PTPN5: variants seen among roughly 807,000 people sequenced by gnomAD.
PTPN5 encodes the protein protein tyrosine phosphatase non-receptor type 5.
In PTPN5, 29 loss-of-function variants were observed where a neutral mutation model predicts 73.9. That is an observed-to-expected ratio of 0.39 (90% CI 0.29 to 0.54). PTPN5 has a LOEUF of 0.54. Ranked by LOEUF, PTPN5 falls within the 20% of genes least tolerant of loss-of-function variation. The pLI is 0.65. For synonymous variants in PTPN5, 267 were observed against 304.7 expected, an observed-to-expected ratio of 0.88 and a Z score of 1.29; for missense variants, 652 against 751.4, an observed-to-expected ratio of 0.87 and a Z score of 1.55.
At chr11:18,762,875 G>A (rs562009662) in intron 3 of PTPN5, among the ~76,000 whole-genome samples, 1 of 152,322 alleles carries the variant, frequency 6.6e-6, no homozygotes, top group South Asian at 2.1e-4. Flanking sequence ...CAGAGTCCCT[G>A]TTCTTGACTA....
rs924121498 is a variant in PTPN5, at chr11:18,729,768, G to A, written c.1380C>T (p.Pro460=). 3 of 1,612,204 alleles carry A rather than the reference G, an allele frequency of 1.9e-6. No individual in the cohort carries two copies. The highest frequency in any genetic ancestry group is 3.3e-5 in the Admixed American group (2 of 59,916). Residue 460 remains proline (P), a synonymous_variant, in exon 13 of 15, where the codon CCC becomes CCT. Coordinates refer to ENST00000358540, the MANE Select transcript of PTPN5 (RefSeq NM_006906.2). The surrounding 1 kb of genome is among the most constrained non-coding windows in gnomAD (Gnocchi z 5.2). ...GLKHYWFTSW[P]DQKTPDRAPP... ...GGGCCCGGTCTGGGGTCTTCTGGTC[G>A]GGCCAGGATGTGAACCAGTAATGCT... is the stretch of plus-strand genomic sequence containing the variant.
chr11:18,769,944 C>G (rs913378693), intron 2 of PTPN5, among the ~76,000 whole-genome samples: 7 of 152,080 alleles, frequency 4.6e-5, no homozygotes, highest in Non-Finnish European at 1.5e-5. Context: ...GCGGGGGAAG[C>G]CCTCTTCCAC....
chr11:18,756,427 G>A (rs1253344739), intron 3 of PTPN5, among the ~76,000 whole-genome samples: 1 of 151,396 alleles, frequency 6.6e-6, no homozygotes, highest in African/African-American at 2.4e-5. Context: ...CTCCTGAGTA[G>A]CTGGGATTAC....
intron 9 of PTPN5, among the ~76,000 whole-genome samples, chr11:18,735,758 CTG>C: frequency 6.8e-6 from 1 of 147,280 alleles, no homozygotes. Context: ...GAGTGAGACT[CTG>C]TCTCCCCCAA....
At position 18,732,641 on chromosome 11, in the gene PTPN5, T is replaced by C. The variant is rs1848935265; in HGVS notation, c.1280A>G (p.Gln427Arg). Reference protein sequence around the residue: ...VAYDGVEITVQKVIHTEDYRL... With the variant: ...VAYDGVEITVRKVIHTEDYRL... ...GTAATCCTCCGTGTGAATGACTTTC[T>C]GCACAGTGATCTCAACACCGTCGTA... is the stretch of plus-strand genomic sequence containing the variant. Residue 427 changes from glutamine (Q) to arginine (R), a missense_variant, in exon 12 of 15, where the codon CAG becomes CGG. Gln to Arg is a conservative substitution (Grantham distance 43, BLOSUM62 1). This residue lies in a region of PTPN5 where 529 missense variants were observed against 573.9 expected (regional missense o/e 0.92). Transcript: ENST00000358540. 2 of 1,613,932 alleles carry C rather than the reference T, an allele frequency of 1.2e-6. No individual in the cohort carries two copies. The highest frequency in any genetic ancestry group is 1.3e-5 in the African/African-American group (1 of 74,922).
At chr11:18,739,693 C>G (rs1343931837) in intron 8 of PTPN5, among the ~76,000 whole-genome samples, 1 of 152,226 alleles carries the variant, frequency 6.6e-6, no homozygotes, top group Admixed American at 6.5e-5. Context: ...TTCTGTACCC[C>G]TGTGGCTTCT....
chr11:18,756,915 C>T (rs1282500990), intron 3 of PTPN5, among the ~76,000 whole-genome samples: 5 of 133,546 alleles, frequency 3.7e-5, no homozygotes, highest in African/African-American at 8.6e-5. Context: ...CAGAGCAAGA[C>T]TCCATCAAAA....
At chr11:18,774,067 C>G (rs6483525) in intron 1 of PTPN5, among the ~76,000 whole-genome samples, 12,543 of 152,262 alleles carry the variant, frequency 0.082, 1,339 homozygotes, top group African/African-American at 0.25. Flanking sequence ...GAAGCCTTCC[C>G]TGGGGATAGG....
At chr11:18,745,802 A>G (rs2134235521) in intron 3 of PTPN5, among the ~76,000 whole-genome samples, 1 of 152,252 alleles carries the variant, frequency 6.6e-6, no homozygotes, top group East Asian at 1.9e-4. Context: ...CAGAAAAGGA[A>G]GATGAGGTGC....
intron 3 of PTPN5, among the ~76,000 whole-genome samples, chr11:18,755,076 C>T: frequency 6.6e-6 from 1 of 152,178 alleles, no homozygotes; most frequent in East Asian, 1.9e-4. Context: ...CACTCTTGCT[C>T]CCTCGTGTGC....
chr11:18,743,295 C>T (rs1821730431), intron 5 of PTPN5, 27 bp downstream of exon 5: 2 of 1,606,334 alleles, frequency 1.2e-6, no homozygotes, highest in East Asian at 2.2e-5. Context: ...ATCCCTGCTA[C>T]CCTAGGACTC....
intron 3 of PTPN5, among the ~76,000 whole-genome samples, chr11:18,752,372 G>A (rs1274626044): frequency 3.9e-5 from 6 of 152,200 alleles, no homozygotes; most frequent in Non-Finnish European, 8.8e-5. Flanking sequence ...GGAAAGGGGA[G>A]AGTGAGGGAG....
intron 3 of PTPN5, among the ~76,000 whole-genome samples, chr11:18,749,200 G>A (rs146400045): frequency 1.0e-3 from 158 of 152,326 alleles, no homozygotes; most frequent in Non-Finnish European, 1.7e-3. Flanking sequence ...TCACAGCGAG[G>A]TAGCTGCTTT....
chr11:18,783,106 A>C (rs1851516504), intron 1 of PTPN5, among the ~76,000 whole-genome samples: 1 of 152,236 alleles, frequency 6.6e-6, no homozygotes. Context: ...CACTGGCCTG[A>C]TGCTGCCCCG....
rs1370527427 is a variant in PTPN5, at chr11:18,743,423, A to C, written c.298T>G (p.Cys100Gly). The C allele has an allele frequency of 6.2e-7, 1 of 1,613,994 alleles. No homozygotes were observed. The highest frequency in any genetic ancestry group is 1.3e-5 in the African/African-American group (1 of 74,930). ...TAACCGCTGAACCAGAGCACCCCACAGGCAAGCTGGGGCACAGGGGAGCAG... is the reference window on the plus strand; with the variant it reads ...TAACCGCTGAACCAGAGCACCCCACCGGCAAGCTGGGGCACAGGGGAGCAG... ...LFAASQFLLA[C>G]GVLWFSGYGH... Residue 100 changes from cysteine to glycine, a missense_variant, in exon 5 of 15, where the codon TGT (cysteine) becomes GGT (glycine). By Grantham distance (159) the Cys-to-Gly change is radical. This residue lies in a region of PTPN5 where 529 missense variants were observed against 573.9 expected (regional missense o/e 0.92). Coordinates refer to ENST00000358540, the MANE Select transcript of PTPN5 (RefSeq NM_006906.2).
At chr11:18,757,565 G>A (rs1850211364) in intron 3 of PTPN5, among the ~76,000 whole-genome samples, 1 of 152,162 alleles carries the variant, frequency 6.6e-6, no homozygotes, top group South Asian at 2.1e-4. Context: ...TTTTTTGACT[G>A]CTTCATGAGA....
intron 1 of PTPN5, among the ~76,000 whole-genome samples, chr11:18,774,195 G>A (rs1472205287): frequency 1.3e-5 from 2 of 152,230 alleles, no homozygotes; most frequent in African/African-American, 4.8e-5. Flanking sequence ...CAGGATGGCG[G>A]TGAAGATCAC....
Position 18,771,963 on chromosome 11 carries a change from A to T in PTPN5, c.-5T>A, listed in dbSNP as rs778495394. 1 of 1,575,266 alleles carries T rather than the reference A, an allele frequency of 6.3e-7. No individual in the cohort carries two copies. Among genetic ancestry groups the T allele is most frequent in the East Asian group, 2.4e-5 (1 of 42,424 alleles). The stretch of plus-strand genomic sequence containing the variant: ...CCTGGCTCCCTCATAATTCATTCCC[A>T]AGGTGTCTGGATGGGGAAGGGTGCC... On this transcript the variant is annotated 5_prime_UTR_variant, in exon 2 of 15. Coordinates refer to ENST00000358540, the MANE Select transcript of PTPN5 (RefSeq NM_006906.2).
rs1849434581 is a variant in PTPN5 at position 18,742,894 on chromosome 11, A to G, written c.483+98T>C. On this transcript the variant is annotated intron_variant, in intron 6 of 14. Transcript: ENST00000358540. The surrounding 1 kb of genome is among the most constrained non-coding windows in gnomAD (Gnocchi z 4.1). The stretch of plus-strand genomic sequence containing the variant: ...ATAGGTATCCCTCCTTGCCCCACCC[A>G]GAATGTCCAGCCTATAAGTCAGATG... 3 of 853,288 alleles carry G rather than the reference A, an allele frequency of 3.5e-6. No homozygotes were observed. In the South Asian group the frequency reaches 4.6e-5, roughly 13 times the overall value. 52.9% of individuals were successfully genotyped at this position (853,288 alleles called of 1,614,324 possible). A position where few individuals can be genotyped will look rare whatever the true frequency, so the allele number is the denominator to read the frequency against.
Sources: allele counts gnomAD v4.1 joint callset (sites outside exome capture counted in the v4.1 genomes callset), GRCh38; gene constraint gnomAD v4.1.1; regional missense constraint gnomAD v4.1.1; non-coding constraint Gnocchi (gnomAD v3.1); transcripts MANE v1.5; gene names NCBI Gene and HGNC (gene_info 2026-07-23, HGNC 2026-07-21).